IPP: variants seen among roughly 807,000 people sequenced by gnomAD.
The protein encoded by IPP is actin-binding protein IPP.
A neutral mutation model predicts 64.1 loss-of-function variants in IPP; 41 were observed. The observed-to-expected ratio is 0.64, with a 90% CI of 0.50 to 0.83. The LOEUF is 0.83. Among genes scored for constraint, IPP ranks in the 40% least tolerant of loss-of-function variants. The pLI is 0.00. For synonymous variants in IPP, 214 were observed against 235.2 expected (o/e 0.91, Z 0.83); for missense variants, 649 against 703.0 (o/e 0.92, Z 0.87).
intron 5 of IPP, among the ~76,000 whole-genome samples, chr1:45,725,485 C>T (rs1449624090): frequency 4.3e-5 from 6 of 138,166 alleles, no homozygotes; most frequent in Non-Finnish European, 8.0e-5. Context: ...GCCCCCCGCC[C>T]GGCCAGCCGC....
Position 45,699,025 on chromosome 1 carries a change from C to T in IPP, c.*941G>A. 6.1e-6 allele frequency: 6 copies of T among 985,242 alleles called. No individual in the cohort carries two copies. The highest frequency in any genetic ancestry group is 7.2e-6 in the Non-Finnish European group (6 of 829,910). 61.0% of individuals were successfully genotyped at this position (985,242 alleles called of 1,614,324 possible). ...TACAGGTGTGAGCCACCATGCCCAG[C>T]CTAAAAAAGGGAGAAATTTCTAGGT... On this transcript the variant is annotated 3_prime_UTR_variant, in exon 9 of 9. Transcript: ENST00000396478.
chr1:45,724,422 G>A (rs1385230542), intron 5 of IPP, among the ~76,000 whole-genome samples: 1 of 151,670 alleles, frequency 6.6e-6, no homozygotes, highest in African/African-American at 2.4e-5. Flanking sequence ...AGTGAGGAGC[G>A]TCTCTGCCTG....
intron 2 of IPP, among the ~76,000 whole-genome samples, chr1:45,742,515 C>A (rs532653753): frequency 1.9e-4 from 29 of 152,244 alleles, no homozygotes; most frequent in African/African-American, 7.0e-4. Flanking sequence ...TATGATAAAA[C>A]GCCACATAAT....
chr1:45,715,814 G>T (rs1645650728), intron 7 of IPP, among the ~76,000 whole-genome samples: 1 of 152,044 alleles, frequency 6.6e-6, no homozygotes, highest in African/African-American at 2.4e-5. Context: ...TCCCTTTCTA[G>T]CTAGCTCTAT....
chr1:45,741,038 T>C lies in IPP; in HGVS notation c.587A>G (p.Asp196Gly). Residue 196 changes from aspartate to glycine, a missense_variant, in exon 3 of 9, where the codon GAT becomes GGT. By Grantham distance (94) the Asp-to-Gly change is moderately conservative. Coordinates refer to ENST00000396478, the MANE Select transcript of IPP (RefSeq NM_005897.3). ...TGCAGCTAAGAAGACCTGGTATTCA[T>C]CCTCAATGCTAAGCTCTTCACTTCG... ...ILRSEELSIE[D>G]EYQVFLAAMQ... The C allele has an allele frequency of 6.2e-7, 1 of 1,614,098 alleles. No individual in the cohort carries two copies. Among genetic ancestry groups the C allele is most frequent in the Non-Finnish European group, 8.5e-7 (1 of 1,179,936 alleles).
chr1:45,698,241 G>A (rs760228073), downstream of IPP, among the ~76,000 whole-genome samples: 19 of 152,246 alleles, frequency 1.2e-4, no homozygotes, highest in Non-Finnish European at 2.2e-4. Flanking sequence ...GCAGTGAGCC[G>A]AGATCACGCC....
At chr1:45,749,903 A>T (rs1646197254) in intron 1 of IPP, among the ~76,000 whole-genome samples, 1 of 152,190 alleles carries the variant, frequency 6.6e-6, no homozygotes, top group Admixed American at 6.5e-5. Context: ...TTGTTTTAAC[A>T]TTAGCTGGCT....
In IPP at chr1:45,729,643, T is replaced by G. The variant is rs751184765; in HGVS notation, c.851A>C (p.Lys284Thr). The G allele has an allele frequency of 6.2e-7, 1 of 1,613,230 alleles. No homozygotes were observed. Among genetic ancestry groups the G allele is most frequent in the South Asian group, 1.1e-5 (1 of 90,792 alleles). ...TGCATACAGGTACTTTCTTGCTTTCTTCCGAGGTCGAACCTTAGATGTCTG... is the reference window on the plus strand; with the variant it reads ...TGCATACAGGTACTTTCTTGCTTTCGTCCGAGGTCGAACCTTAGATGTCTG... ...FLQTSKVRPR[K>T]KARKYLYAVG... Residue 284 changes from lysine to threonine, a missense_variant, in exon 4 of 9, where the codon AAG becomes ACG. Physicochemically the swap from Lys to Thr is moderately conservative, Grantham distance 78. Transcript: ENST00000396478.
Position 45,698,788 on chromosome 1 carries a change from G to A in IPP, c.*1178C>T, listed in dbSNP as rs905080102. The A allele has an allele frequency of 8.0e-6, 4 of 502,264 alleles. No individual in the cohort carries two copies. Among genetic ancestry groups the A allele is most frequent in the Non-Finnish European group, 7.5e-6 (3 of 400,452 alleles). 31.1% of individuals were successfully genotyped at this position (502,264 alleles called of 1,614,324 possible). ...GGCCGGTGTGCAGTGGCACAATCTT[G>A]GCTCACTGCAGCCTTGACCTCCTGG... On this transcript the variant is annotated 3_prime_UTR_variant, in exon 9 of 9. Coordinates refer to ENST00000396478, the MANE Select transcript of IPP (RefSeq NM_005897.3).
intron 3 of IPP, 25 bp from the exon 4 acceptor site, chr1:45,729,794 T>A (rs760089070): frequency 2.2e-6 from 3 of 1,386,076 alleles, no homozygotes; most frequent in Non-Finnish European, 2.0e-6. Flanking sequence ...AAAAAGACAA[T>A]GTTTTAAACA....
At chr1:45,709,844 AAGAG>A (rs1297097532) in intron 8 of IPP, among the ~76,000 whole-genome samples, 2 of 42,852 alleles carry the variant, frequency 4.7e-5, no homozygotes, top group African/African-American at 2.1e-4. Flanking sequence ...AAAAAAAAAA[AAGAG>A]AGAAGCTCTT....
chr1:45,696,780 C>CAAAACA (rs960545874), downstream of IPP: 9 of 152,230 alleles, frequency 5.9e-5, no homozygotes, highest in Non-Finnish European at 8.8e-5. Flanking sequence ...AACTCCATCT[C>CAAAACA]AAAACAAAAA....
chr1:45,731,606 G>A (rs1023888901), intron 3 of IPP, among the ~76,000 whole-genome samples: 9 of 152,174 alleles, frequency 5.9e-5, no homozygotes, highest in African/African-American at 2.2e-4. Flanking sequence ...AGTTCAGTAT[G>A]AGCAAGATAT....
intron 5 of IPP, among the ~76,000 whole-genome samples, chr1:45,725,656 G>C (rs1216391726): frequency 7.3e-6 from 1 of 137,354 alleles, no homozygotes; most frequent in Non-Finnish European, 1.6e-5. Flanking sequence ...AGGCGGGAAG[G>C]GTGGGGAAAA....
At chr1:45,704,479 A>G (rs971638335) in intron 8 of IPP, among the ~76,000 whole-genome samples, 1 of 151,670 alleles carries the variant, frequency 6.6e-6, no homozygotes, top group East Asian at 1.9e-4. Context: ...CTAGCAATCC[A>G]CCCGCCTCGG....
At chr1:45,722,976 G>A (rs1338082129) in intron 5 of IPP, among the ~76,000 whole-genome samples, 1 of 152,192 alleles carries the variant, frequency 6.6e-6, no homozygotes, top group Non-Finnish European at 1.5e-5. Flanking sequence ...GAGGAGAGAT[G>A]GGAAGTGACT....
intron 7 of IPP, among the ~76,000 whole-genome samples, chr1:45,715,287 G>C (rs1243883494): frequency 1.3e-5 from 2 of 150,974 alleles, no homozygotes; most frequent in Middle Eastern, 3.4e-3. Context: ...AATTATTTTT[G>C]AATCTCTAGT....
At chr1:45,743,022 A>C (rs1447572290) in intron 2 of IPP, among the ~76,000 whole-genome samples, 2 of 151,800 alleles carry the variant, frequency 1.3e-5, no homozygotes, top group African/African-American at 4.8e-5. Context: ...ACTACAACCA[A>C]CACCTCCTGG....
intron 5 of IPP, among the ~76,000 whole-genome samples, chr1:45,719,794 C>T (rs982175694): frequency 2.7e-5 from 4 of 150,050 alleles, no homozygotes; most frequent in Non-Finnish European, 4.5e-5. Context: ...GGCACAATCT[C>T]GGCTCACTGC....
Sources: gnomAD v4.1 joint callset for allele counts (sites outside exome capture counted in the v4.1 genomes callset) on GRCh38, gnomAD v4.1.1 for gene constraint, MANE v1.5 for transcripts, NCBI Gene and HGNC (gene_info 2026-07-23, HGNC 2026-07-21) for gene names.